Variants in EED observed in about 807,000 individuals in gnomAD.
EED encodes the protein polycomb protein EED.
Under a neutral mutation model 61.0 loss-of-function variants are expected in EED, and 9 were observed. That is an observed-to-expected ratio of 0.15 (90% CI 0.09 to 0.26). EED has a LOEUF of 0.26. Ranked by LOEUF, EED falls within the 10% of genes least tolerant of loss-of-function variation. EED has a pLI of 1.00. For missense variants in EED, 315 were observed against 542.3 expected (o/e 0.58, Z 4.16); for synonymous variants, 187 against 174.4 (o/e 1.07, Z -0.57).
At chr11:86,260,350 C>CT in intron 6 of EED, among the ~76,000 whole-genome samples, 1 of 152,152 alleles carries the variant, frequency 6.6e-6, no homozygotes, top group East Asian at 1.9e-4. Context: ...CCTCATCCTT[C>CT]TGAGTAGCTG....
chr11:86,254,021 C>G (rs937178836), intron 3 of EED, among the ~76,000 whole-genome samples: 1 of 110,768 alleles, frequency 9.0e-6, no homozygotes, highest in Admixed American at 1.4e-4. Context: ...GCACTCCAGT[C>G]TGGACGACAA....
chr11:86,275,484 C>T (rs1054270258), intron 9 of EED, among the ~76,000 whole-genome samples: 1 of 152,198 alleles, frequency 6.6e-6, no homozygotes, highest in African/African-American at 2.4e-5. Context: ...GCGCAAGGCC[C>T]TGGGAATTGG....
At chr11:86,278,986 C>G (rs1949217157), downstream of EED, among the ~76,000 whole-genome samples, 2 of 152,106 alleles carry the variant, frequency 1.3e-5, no homozygotes, top group Admixed American at 1.3e-4. Flanking sequence ...TAATACTTGC[C>G]TTGGGGTTAT....
intron 6 of EED, among the ~76,000 whole-genome samples, chr11:86,259,284 A>G (rs1164161717): frequency 7.6e-6 from 1 of 131,810 alleles, no homozygotes; most frequent in African/African-American, 2.6e-5. Context: ...TCAAGAAAGT[A>G]AAAAAGCCTA....
chr11:86,277,302 T>C, intron 10 of EED, 164 bp downstream of exon 10: 1 of 577,580 alleles, frequency 1.7e-6, no homozygotes, highest in Non-Finnish European at 2.7e-6. Flanking sequence ...ACTTTGGTGT[T>C]ATTCATTCTA....
Position 86,252,232 on chromosome 11 carries a change from A to G in EED, c.352A>G (p.Ser118Gly). 6.2e-7 allele frequency: 1 copy of G among 1,609,360 alleles called. No individual in the cohort carries two copies. Among genetic ancestry groups the G allele is most frequent in the Non-Finnish European group, 8.5e-7 (1 of 1,176,780 alleles). ...GDPLVFATVG[S>G]NRVTLYECHS... is the part of the protein sequence containing the mutation. ...TCCATTAGTGTTTGCAACTGTAGGA[A>G]GCAACAGAGTGAGTGTTAAGGGGTC... The change falls in exon 3 of 12, where the codon AGC (serine) becomes GGC (glycine). Residue 118 changes from serine to glycine, a missense_variant. Transcript: ENST00000263360.
Position 86,277,093 on chromosome 11 carries a change from G to C in EED, c.1080G>C (p.Gln360His), listed in dbSNP as rs1444960146. ...TTCTTGGGCGATTTGATTACAGCCA[G>C]TGTGACATTTGGTACATGAGGTTTT... ...VTILGRFDYSQCDIWYMRFSM... is the reference protein window; with the variant it reads ...VTILGRFDYSHCDIWYMRFSM... The change falls in exon 10 of 12, where the codon CAG becomes CAC. Residue 360 changes from glutamine (Q) to histidine (H), a missense_variant. Transcript: ENST00000263360. 1 of 1,594,546 alleles carries C rather than the reference G, an allele frequency of 6.3e-7. No individual in the cohort carries two copies. The highest frequency in any genetic ancestry group is 1.7e-5 in the Admixed American group (1 of 59,740).
intron 2 of EED, 56 bp downstream of exon 2, chr11:86,250,504 C>G (rs1292448282): frequency 2.1e-6 from 3 of 1,442,608 alleles, no homozygotes; most frequent in South Asian, 3.2e-5. Context: ...AATTATTTCT[C>G]TGTGGCACGC....
At chr11:86,280,590 T>C (rs1246532420), downstream of EED, among the ~76,000 whole-genome samples, 1 of 152,194 alleles carries the variant, frequency 6.6e-6, no homozygotes, top group Non-Finnish European at 1.5e-5. Context: ...CTCAAGGGTC[T>C]TAGAAGTTGT....
chr11:86,245,347 A>C lies in EED; in HGVS notation c.114+4A>C, dbSNP rs202074959. On this transcript the variant is annotated splice_donor_region_variant and intron_variant, in intron 1 of 11. Coordinates refer to ENST00000263360, the MANE Select transcript of EED (RefSeq NM_003797.5). ...AGACCTCTCTGGAGACGAGAATGTA[A>C]GTGCAGCTTCTGGCAGTTACGAGAC... 79 of 1,608,118 alleles carry C rather than the reference A, an allele frequency of 4.9e-5. No homozygotes were observed. The highest frequency in any genetic ancestry group is 3.3e-4 in the Middle Eastern group (2 of 6,046).
the EED span, chr11:86,283,840 A>C: frequency 7.6e-6 from 1 of 132,302 alleles, no homozygotes; most frequent in African/African-American, 2.7e-5. Context: ...CAATATATTT[A>C]ATTGGAGATC....
intron 5 of EED, 38 bp from the exon 6 acceptor site, chr11:86,257,477 T>G: frequency 2.4e-5 from 37 of 1,525,256 alleles, no homozygotes; most frequent in South Asian, 3.7e-5. Context: ...TTACTGATTT[T>G]GAGATAGGAA....
chr11:86,272,449 T>G (rs1249606259), intron 9 of EED, among the ~76,000 whole-genome samples: 1 of 152,186 alleles, frequency 6.6e-6, no homozygotes, highest in Non-Finnish European at 1.5e-5. Flanking sequence ...TGGCTCTATT[T>G]TAGATATATT....
At chr11:86,287,158 G>A in the EED span, among the ~76,000 whole-genome samples, 2 of 151,680 alleles carry the variant, frequency 1.3e-5, no homozygotes, top group African/African-American at 4.8e-5. Flanking sequence ...CCTGCCCATG[G>A]ATCTCAGCCT....
chr11:86,275,435 T>C (rs916893621), intron 9 of EED, among the ~76,000 whole-genome samples: 3 of 152,164 alleles, frequency 2.0e-5, no homozygotes, highest in African/African-American at 7.2e-5. Context: ...GTTAGAAAAA[T>C]AGATTTCCTA....
At chr11:86,246,839 A>G (rs1945403329) in intron 1 of EED, among the ~76,000 whole-genome samples, 1 of 152,198 alleles carries the variant, frequency 6.6e-6, no homozygotes, top group Non-Finnish European at 1.5e-5. Flanking sequence ...AGACTGACAT[A>G]ATTGTCTTAG....
rs1277755853 is a variant in EED at position 86,256,327 on chromosome 11, T to A, written c.427-60T>A. 6 of 1,430,340 alleles carry A rather than the reference T, an allele frequency of 4.2e-6. No individual in the cohort carries two copies. In the African/African-American group the frequency reaches 8.5e-5, roughly 20 times the overall value. 88.6% of individuals were successfully genotyped at this position (1,430,340 alleles called of 1,614,324 possible). A position where few individuals can be genotyped will look rare whatever the true frequency, so the allele number is the denominator to read the frequency against. The stretch of plus-strand genomic sequence containing the variant: ...AGCAGTTCTTTATAAGTTTCTATTA[T>A]AATTATTGACATGTTTCTTTTTCAA... On this transcript the variant is annotated intron_variant, in intron 4 of 11. Coordinates refer to ENST00000263360, the MANE Select transcript of EED (RefSeq NM_003797.5).
chr11:86,253,786 G>A (rs1490402997), intron 3 of EED, among the ~76,000 whole-genome samples: 3 of 151,990 alleles, frequency 2.0e-5, no homozygotes, highest in Non-Finnish European at 4.4e-5. Context: ...AGTGGCTCAC[G>A]CCTGTAATCC....
At chr11:86,281,945 G>A (rs552372643), downstream of EED, among the ~76,000 whole-genome samples, 1 of 152,174 alleles carries the variant, frequency 6.6e-6, no homozygotes, top group Non-Finnish European at 1.5e-5. Context: ...TTATGTTTCC[G>A]AAAAGACAAG....
Sources: allele counts gnomAD v4.1 joint callset (sites outside exome capture counted in the v4.1 genomes callset), GRCh38; gene constraint gnomAD v4.1.1; transcripts MANE v1.5; gene names NCBI Gene and HGNC (gene_info 2026-07-23, HGNC 2026-07-21).